AARSD1: variants seen among roughly 807,000 people sequenced by gnomAD.
AARSD1 encodes the protein alanyl-tRNA editing protein Aarsd1.
Under a neutral mutation model 48.7 loss-of-function variants are expected in AARSD1, and 44 were observed. The ratio of observed to expected loss-of-function variants is 0.90; its 90% CI spans 0.71 to 1.16. The LOEUF is 1.16. AARSD1 is among the 50% of genes most tolerant of loss of function. The pLI, the probability that AARSD1 is intolerant of heterozygous loss-of-function variation, is 0.00. For missense variants in AARSD1, 511 were observed against 523.1 expected (o/e 0.98, Z 0.23); for synonymous variants, 189 against 194.9 (o/e 0.97, Z 0.25).
At chr17:42,956,996 G>A (rs2049565860) in intron 4 of AARSD1, 142 bp downstream of exon 4, 8 of 539,684 alleles carry the variant, frequency 1.5e-5, no homozygotes, top group South Asian at 8.1e-5. Flanking sequence ...AGACAAGCTC[G>A]CTGTCACCCA....
chr17:42,960,846 G>A (rs900956092), intron 3 of AARSD1: 8 of 199,494 alleles, frequency 4.0e-5, no homozygotes, highest in South Asian at 1.1e-4. Context: ...GATGCCCTGC[G>A]ATGAACACAC....
At chr17:42,955,324 G>A (rs1455667008) in intron 7 of AARSD1, 100 bp from the exon 8 acceptor site, 2 of 1,437,162 alleles carry the variant, frequency 1.4e-6, no homozygotes, top group Non-Finnish European at 1.9e-6. Context: ...GTGCCTCCCT[G>A]CAGTCAGGGA....
rs373140845 is a variant in AARSD1 at position 42,952,248 on chromosome 17, C to T, written c.1009-354G>A. 6 of 304,506 alleles carry T rather than the reference C, an allele frequency of 2.0e-5. No individual in the cohort carries two copies. The South Asian group carries it at 2.3e-4, about 12-fold the overall frequency. 18.9% of individuals were successfully genotyped at this position (304,506 alleles called of 1,614,324 possible). A position where few individuals can be genotyped will look rare whatever the true frequency, so the allele number is the denominator to read the frequency against. ...TTTCCCTCTGCCTGGCCGCCTCTGC[C>T]CCTTGTCTGTCTGATGACCTCTAAG... On this transcript the variant is annotated intron_variant, in intron 10 of 11. Coordinates refer to ENST00000427569, the MANE Select transcript of AARSD1 (RefSeq NM_001261434.2).
intron 10 of AARSD1, among the ~76,000 whole-genome samples, chr17:42,953,370 A>G (rs1470136730): frequency 6.6e-6 from 1 of 152,118 alleles, no homozygotes; most frequent in Non-Finnish European, 1.5e-5. Flanking sequence ...TTGGCCTCCC[A>G]AAGTGCTGGG....
At chr17:42,964,379 A>C (rs2049684327) in intron 1 of AARSD1, 23 bp downstream of exon 1, 3 of 1,556,718 alleles carry the variant, frequency 1.9e-6, no homozygotes, top group Non-Finnish European at 2.6e-6. Context: ...GGCAGTCTCA[A>C]GTGCCTCGCC....
chr17:42,962,497 C>T (rs1202390421), intron 2 of AARSD1, among the ~76,000 whole-genome samples: 1 of 151,922 alleles, frequency 6.6e-6, no homozygotes, highest in East Asian at 1.9e-4. Context: ...AAGTATATGA[C>T]GCTAGAGAAC....
intron 3 of AARSD1, 176 bp from the exon 4 acceptor site, chr17:42,957,371 G>C (rs2049572681): frequency 1.4e-6 from 1 of 703,588 alleles, no homozygotes; most frequent in Admixed American, 3.1e-5. Context: ...TTCTGCAAGA[G>C]GCCTTATGAT....
At chr17:42,954,432 C>CTTT (rs200812055) in intron 9 of AARSD1, among the ~76,000 whole-genome samples, 1 of 147,724 alleles carries the variant, frequency 6.8e-6, no homozygotes, top group South Asian at 2.2e-4. Flanking sequence ...TAACATATTT[C>CTTT]TTTTTTTTTT....
At chr17:42,951,965 CTCTTCAA>C (rs1216541699) in intron 10 of AARSD1, 71 bp from the exon 11 acceptor site, 3 of 1,488,560 alleles carry the variant, frequency 2.0e-6, no homozygotes, top group Non-Finnish European at 2.8e-6. Context: ...ATCCTGCACT[CTCTTCAA>C]TCTTAAGAAT....
At chr17:42,956,706 C>T (rs1487894421) in intron 4 of AARSD1, 146 bp from the exon 5 acceptor site, 78 of 1,088,172 alleles carry the variant, frequency 7.2e-5, no homozygotes, top group Non-Finnish European at 8.8e-5. Context: ...CTCGCTCTGT[C>T]GCCCAGGCTG....
rs775335493 is a variant in AARSD1 at position 42,953,719 on chromosome 17, C to T, written c.1008+5G>A. On this transcript the variant is annotated splice_donor_5th_base_variant and intron_variant, in intron 10 of 11. Coordinates refer to ENST00000427569, the MANE Select transcript of AARSD1 (RefSeq NM_001261434.2). The stretch of plus-strand genomic sequence containing the variant: ...CCGGGGTAGAGAATCTCATGCTCCT[C>T]TTACCTCTGACCCAATCTCATTGGC... 1.4e-5 allele frequency: 22 copies of T among 1,614,076 alleles called. No homozygotes were observed. The African/African-American group carries it at 2.1e-4, about 16-fold the overall frequency.
At chr17:42,953,920 G>A (rs1407515490) in intron 9 of AARSD1, 142 bp from the exon 10 acceptor site, 26 of 1,059,226 alleles carry the variant, frequency 2.5e-5, no homozygotes, top group Non-Finnish European at 3.5e-5. Flanking sequence ...AGAGAGTACT[G>A]GCTGAAAGCC....
At chr17:42,962,298 CAAAAAAAA>C (rs59823866) in intron 2 of AARSD1, 3 of 107,176 alleles carry the variant, frequency 2.8e-5, no homozygotes, top group Non-Finnish European at 4.0e-5. Flanking sequence ...GACACCATCT[CAAAAAAAA>C]AAAAAAAAAA....
intron 2 of AARSD1, among the ~76,000 whole-genome samples, chr17:42,962,730 T>C (rs2049655485): frequency 6.6e-6 from 1 of 152,312 alleles, no homozygotes; most frequent in Admixed American, 6.5e-5. Context: ...TGTCACTTAT[T>C]TGCTTAAGAA....
In AARSD1 at chr17:42,961,389, G is replaced by A. The variant is rs1386473929; in HGVS notation, c.172-38C>T. On this transcript the variant is annotated intron_variant, in intron 2 of 11. Coordinates refer to ENST00000427569, the MANE Select transcript of AARSD1 (RefSeq NM_001261434.2). ...AGTAAACGTAATCAATGGCAAGGCA[G>A]GGCTCACCCTAACTTCTAGGTACAA... is the stretch of plus-strand genomic sequence containing the variant. The A allele has an allele frequency of 9.9e-6, 16 of 1,612,746 alleles. No individual in the cohort carries two copies. In the East Asian group the frequency reaches 3.6e-4, roughly 36 times the overall value.
Position 42,961,176 on chromosome 17 carries a change from C to T in AARSD1, c.331+16G>A, listed in dbSNP as rs769983455. ...GGCAACTGCTCCGGTGTTATGTCCC[C>T]CATCCCAGCCTTTACCTGAATGCTG... On this transcript the variant is annotated intron_variant, in intron 3 of 11. Coordinates refer to ENST00000427569, the MANE Select transcript of AARSD1 (RefSeq NM_001261434.2). The T allele has an allele frequency of 9.4e-6, 15 of 1,601,510 alleles. No individual in the cohort carries two copies. Among genetic ancestry groups the T allele is most frequent in the African/African-American group, 1.3e-5 (1 of 74,620 alleles).
chr17:42,954,047 G>C (rs2049513753), intron 9 of AARSD1: 1 of 477,392 alleles, frequency 2.1e-6, no homozygotes, highest in Admixed American at 3.3e-5. Context: ...AAAGGAGGTA[G>C]GGGACAGTCC....
intron 9 of AARSD1, 72 bp downstream of exon 9, chr17:42,954,804 C>CA (rs2049524354): frequency 1.3e-6 from 2 of 1,504,124 alleles, no homozygotes; most frequent in Non-Finnish European, 1.8e-6. Flanking sequence ...CTGTACATTG[C>CA]ATATAGAGAA....
chr17:42,955,406 G>T, intron 7 of AARSD1, 182 bp from the exon 8 acceptor site: 2 of 644,564 alleles, frequency 3.1e-6, no homozygotes, highest in Non-Finnish European at 5.1e-6. Context: ...CACTTTTCGT[G>T]GTTCTGATTT....
Sources: gnomAD v4.1 joint callset for allele counts (sites outside exome capture counted in the v4.1 genomes callset) on GRCh38, gnomAD v4.1.1 for gene constraint, MANE v1.5 for transcripts, NCBI Gene and HGNC (gene_info 2026-07-23, HGNC 2026-07-21) for gene names.